The following MOCS1 variants were observed in gnomAD, a reference collection of about 807,000 sequenced individuals.
MOCS1 encodes the protein molybdenum cofactor biosynthesis protein 1.
Under a neutral mutation model 57.6 loss-of-function variants are expected in MOCS1, and 39 were observed. The ratio of observed to expected loss-of-function variants is 0.68; its 90% CI spans 0.52 to 0.88. MOCS1 has a LOEUF of 0.88. Among genes scored for constraint, MOCS1 ranks in the 40% least tolerant of loss-of-function variants. MOCS1 has a pLI of 0.00. For synonymous variants in MOCS1, 334 were observed against 335.7 expected (o/e 1.00, Z 0.05); for missense variants, 795 against 831.1 (o/e 0.96, Z 0.53).
In MOCS1 at chr6:39,905,653, G is replaced by A; in HGVS notation, c.*704C>T. On this transcript the variant is annotated 3_prime_UTR_variant, in exon 11 of 11. Transcript: ENST00000340692. ...AACAGCCGTGAACAGGGCCAGGTGT[G>A]GGCTGTGTGGTCTGGCAGGAGTCCT... is the stretch of plus-strand genomic sequence containing the variant. The A allele has an allele frequency of 2.1e-6, 1 of 471,206 alleles. No homozygotes were observed. Among genetic ancestry groups the A allele is most frequent in the Middle Eastern group, 3.2e-4 (1 of 3,078 alleles). 29.2% of individuals were successfully genotyped at this position (471,206 alleles called of 1,614,324 possible).
chr6:39,926,269 T>A (rs1467156991), intron 2 of MOCS1, among the ~76,000 whole-genome samples: 1 of 152,180 alleles, frequency 6.6e-6, no homozygotes, highest in Non-Finnish European at 1.5e-5. Flanking sequence ...TGTCATGGGG[T>A]GAGAGAGAGG....
At chr6:39,915,397 G>A (rs1490258036) in intron 4 of MOCS1, among the ~76,000 whole-genome samples, 1 of 152,152 alleles carries the variant, frequency 6.6e-6, no homozygotes, top group Non-Finnish European at 1.5e-5. Flanking sequence ...ATCCTCCAGA[G>A]TCCTCAGTCA....
At chr6:39,919,417 G>A (rs990846171) in intron 3 of MOCS1, among the ~76,000 whole-genome samples, 13 of 152,104 alleles carry the variant, frequency 8.5e-5, no homozygotes, top group African/African-American at 1.2e-4. Context: ...GAACCCGGGA[G>A]GCAAAGGTGG....
chr6:39,912,792 A>T, intron 7 of MOCS1, 100 bp downstream of exon 7: 1 of 920,440 alleles, frequency 1.1e-6, no homozygotes, highest in South Asian at 1.3e-5. Flanking sequence ...ATCCCACATC[A>T]CAGCATCCCC....
At chr6:39,919,757 G>A (rs1229400838) in intron 3 of MOCS1, among the ~76,000 whole-genome samples, 1 of 152,034 alleles carries the variant, frequency 6.6e-6, no homozygotes, top group Admixed American at 6.5e-5. Context: ...AGTAAGGATT[G>A]TTCAATATAA....
rs1554187380 is a variant in MOCS1, at chr6:39,904,818, T to TAAG, written c.*1536_*1538dup. On this transcript the variant is annotated 3_prime_UTR_variant, in exon 11 of 11. Transcript: ENST00000340692. ...TCCTTTTTCACTTGCACCTTTTTTA[T>TAAG]AAGAATATATTGTAATACTAAAAAA... 2.9e-5 allele frequency: 13 copies of TAAG among 454,006 alleles called. No homozygotes were observed. Among genetic ancestry groups the TAAG allele is most frequent in the African/African-American group, 1.8e-4 (9 of 50,014 alleles). The allele number at this position is 454,006 out of a possible 1,614,324, so 28.1% of individuals were successfully genotyped here.
rs1562077829 is a variant in MOCS1 at position 39,905,068 on chromosome 6, TG to T, written c.*1288del. On this transcript the variant is annotated 3_prime_UTR_variant, in exon 11 of 11. Coordinates refer to ENST00000340692, the MANE Select transcript of MOCS1 (RefSeq NM_001358530.2). ...TCACAAATTGTCTTTTCCAGAGAGC[TG>T]GTTGTTTAATATTTGCCAGCACACC... 2.2e-6 allele frequency: 1 copy of T among 454,262 alleles called. No individual in the cohort carries two copies. The highest frequency in any genetic ancestry group is 4.4e-6 in the Non-Finnish European group (1 of 226,816). 28.1% of individuals were successfully genotyped at this position (454,262 alleles called of 1,614,324 possible).
intron 3 of MOCS1, among the ~76,000 whole-genome samples, chr6:39,925,117 C>T (rs530981319): frequency 6.6e-6 from 1 of 152,220 alleles, no homozygotes; most frequent in East Asian, 1.9e-4. Context: ...TCAGTTTGCA[C>T]GTTAGACAAA....
intron 3 of MOCS1, among the ~76,000 whole-genome samples, chr6:39,924,038 C>T (rs1019438607): frequency 1.3e-5 from 2 of 152,138 alleles, no homozygotes; most frequent in Admixed American, 1.3e-4. Context: ...CTCATAGCCC[C>T]GATTTCATCA....
Position 39,905,541 on chromosome 6 carries a change from GCTTT to G in MOCS1, c.*812_*815del, listed in dbSNP as rs1482324145. The G allele has an allele frequency of 2.1e-6, 1 of 471,178 alleles. No individual in the cohort carries two copies. Among genetic ancestry groups the G allele is most frequent in the Admixed American group, 2.3e-5 (1 of 42,596 alleles). The allele number at this position is 471,178 out of a possible 1,614,324, so 29.2% of individuals were successfully genotyped here. A position where few individuals can be genotyped will look rare whatever the true frequency, so the allele number is the denominator to read the frequency against. On this transcript the variant is annotated 3_prime_UTR_variant, in exon 11 of 11. Coordinates refer to ENST00000340692, the MANE Select transcript of MOCS1 (RefSeq NM_001358530.2). ...TTGCATCTGCAAAGTTGGCATCGTA[GCTTT>G]ATTTGTGCGCTGTGAGGGTGAAGGC...
At position 39,917,246 on chromosome 6, in the gene MOCS1, C is replaced by T. The variant is rs981194684; in HGVS notation, c.419-1014G>A. Among the ~76,000 whole-genome samples the T allele has an allele frequency of 7.9e-5, 12 of 152,276 alleles. No homozygotes were observed. In the East Asian group the frequency reaches 9.6e-4, roughly 12 times the overall value. ...ATCATGGCAGAAGAGGAAGCAAACA[C>T]GTCCTTCTTCACATGGCAGCAGCAA... On this transcript the variant is annotated intron_variant, in intron 3 of 10. Coordinates refer to ENST00000340692, the MANE Select transcript of MOCS1 (RefSeq NM_001358530.2).
chr6:39,932,886 G>C (rs748359525), intron 1 of MOCS1, among the ~76,000 whole-genome samples: 13 of 152,200 alleles, frequency 8.5e-5, no homozygotes, highest in Non-Finnish European at 1.5e-4. Context: ...TTGCAGATGA[G>C]AAAACAGACA....
At chr6:39,930,406 G>A (rs1413252595) in intron 1 of MOCS1, among the ~76,000 whole-genome samples, 1 of 152,198 alleles carries the variant, frequency 6.6e-6, no homozygotes, top group African/African-American at 2.4e-5. Flanking sequence ...TCCGTGAGAA[G>A]TCATTCTGCC....
In MOCS1 at chr6:39,906,938, A is replaced by G. The variant is rs1342906697; in HGVS notation, c.1330T>C (p.Ser444Pro). ...PLAQQRLGSG[S>P]FQRHYTSRAD... ...CGGGAAGTGTAGTGTCTCTGAAAGG[A>G]GCCAGACCCCAGCCGCTGCTGGGCT... The change falls in exon 11 of 11, where the codon TCC becomes CCC. Residue 444 changes from serine to proline, a missense_variant. Transcript: ENST00000340692. The G allele has an allele frequency of 1.2e-6, 2 of 1,614,100 alleles. No homozygotes were observed. The highest frequency in any genetic ancestry group is 2.2e-5 in the South Asian group (2 of 91,076).
rs1306183570 is a variant in MOCS1, at chr6:39,904,206, G to C, written c.*2151C>G. Reference sequence around the variant, plus strand: ...TTTGATCTTCAGAAAAGCAGAATTTGGTTCAACTGTTGACAGAGGACACAA... The same window carrying C: ...TTTGATCTTCAGAAAAGCAGAATTTCGTTCAACTGTTGACAGAGGACACAA... On this transcript the variant is annotated 3_prime_UTR_variant, in exon 11 of 11. Coordinates refer to ENST00000340692, the MANE Select transcript of MOCS1 (RefSeq NM_001358530.2). The C allele has an allele frequency of 4.4e-6, 2 of 456,612 alleles. No individual in the cohort carries two copies. Among genetic ancestry groups the C allele is most frequent in the East Asian group, 1.4e-4 (2 of 14,406 alleles). 28.3% of individuals were successfully genotyped at this position (456,612 alleles called of 1,614,324 possible).
Position 39,906,599 on chromosome 6 carries a change from C to G in MOCS1, c.1669G>C (p.Val557Leu), listed in dbSNP as rs770838431. The G allele has an allele frequency of 6.2e-7, 1 of 1,613,872 alleles. No individual in the cohort carries two copies. The highest frequency in any genetic ancestry group is 8.5e-7 in the Non-Finnish European group (1 of 1,180,030). Residue 557 changes from valine (V) to leucine (L), a missense_variant, in exon 11 of 11, where the codon GTG becomes CTG. By Grantham distance (32) the Val-to-Leu change is conservative. Transcript: ENST00000340692. Reference protein sequence around the residue: ...TSQLIPLCHHVALSHIQVQLE... With the variant: ...TSQLIPLCHHLALSHIQVQLE... ...TGCACCTGGATGTGGCTCAGGGCCA[C>G]GTGGTGGCACAGAGGGATCAGCTGG...
In MOCS1 at chr6:39,904,180, A is replaced by C. The variant is rs79447033; in HGVS notation, c.*2177T>G. Reference sequence around the variant, plus strand: ...GGACTATGGAAGCTGTTCAAGATACATTTGATCTTCAGAAAAGCAGAATTT... The same window carrying C: ...GGACTATGGAAGCTGTTCAAGATACCTTTGATCTTCAGAAAAGCAGAATTT... On this transcript the variant is annotated 3_prime_UTR_variant, in exon 11 of 11. Transcript: ENST00000340692. The C allele has an allele frequency of 6.6e-6, 3 of 456,582 alleles. No homozygotes were observed. Among genetic ancestry groups the C allele is most frequent in the Non-Finnish European group, 1.3e-5 (3 of 226,978 alleles). 28.3% of individuals were successfully genotyped at this position (456,582 alleles called of 1,614,324 possible). A position where few individuals can be genotyped will look rare whatever the true frequency, so the allele number is the denominator to read the frequency against.
In MOCS1 at chr6:39,905,384, C is replaced by A. The variant is rs769922974; in HGVS notation, c.*973G>T. 2 of 465,688 alleles carry A rather than the reference C, an allele frequency of 4.3e-6. No homozygotes were observed. The highest frequency in any genetic ancestry group is 3.1e-5 in the South Asian group (2 of 64,574). The allele number at this position is 465,688 out of a possible 1,614,324, so 28.8% of individuals were successfully genotyped here. A position where few individuals can be genotyped will look rare whatever the true frequency, so the allele number is the denominator to read the frequency against. On this transcript the variant is annotated 3_prime_UTR_variant, in exon 11 of 11. Coordinates refer to ENST00000340692, the MANE Select transcript of MOCS1 (RefSeq NM_001358530.2). ...CTATACAGAGAGTACACCCTTAGGC[C>A]TTTCCAGGTCCCTCCTCTTCTTCCC...
In MOCS1 at chr6:39,905,833, G is replaced by GGC. The variant is rs58885336; in HGVS notation, c.*523_*524insGC. ...GAGAGATGAAGTCAGGACAGGACAG[G>GGC]ACAGGGCAGGGCTGCGGCTTCACAG... On this transcript the variant is annotated 3_prime_UTR_variant, in exon 11 of 11. Coordinates refer to ENST00000340692, the MANE Select transcript of MOCS1 (RefSeq NM_001358530.2). The GGC allele has an allele frequency of 0.025, 11,797 of 471,104 alleles. 365 individuals are homozygous for GGC. Among genetic ancestry groups the GGC allele is most frequent in the African/African-American group, 0.1 (5,218 of 50,132 alleles). The allele number at this position is 471,104 out of a possible 1,614,324, so 29.2% of individuals were successfully genotyped here.
Sources: allele counts gnomAD v4.1 joint callset (sites outside exome capture counted in the v4.1 genomes callset), GRCh38; gene constraint gnomAD v4.1.1; transcripts MANE v1.5; gene names NCBI Gene and HGNC (gene_info 2026-07-23, HGNC 2026-07-21).